ZNF362: variants seen among roughly 807,000 people sequenced by gnomAD.
ZNF362 encodes rotund homolog.
In ZNF362, 11 loss-of-function variants were observed where a neutral mutation model predicts 42.9. The ratio of observed to expected loss-of-function variants is 0.26; its 90% CI spans 0.16 to 0.42. ZNF362 has a LOEUF of 0.42. ZNF362 is among the 20% of genes least tolerant of loss of function. The pLI, the probability that ZNF362 is intolerant of heterozygous loss-of-function variation, is 1.00. For synonymous variants in ZNF362, 255 were observed against 257.3 expected (o/e 0.99, Z 0.09); for missense variants, 362 against 576.2 (o/e 0.63, Z 3.81).
chr1:33,143,631 C>T, the ZNF362 span, among the ~76,000 whole-genome samples: 1 of 152,204 alleles, frequency 6.6e-6, no homozygotes, highest in East Asian at 1.9e-4. Flanking sequence ...TGGGGTGGTT[C>T]CCTCTCCCCA....
rs1645982087 is a variant in ZNF362, at chr1:33,280,214, C to T, written c.440C>T (p.Thr147Ile). Residue 147 changes from threonine to isoleucine, a missense_variant, in exon 5 of 9, where the codon ACA (threonine) becomes ATA (isoleucine). Around this residue, in one of 3 missense-constraint regions of ZNF362, gnomAD observed 266 missense variants for 365.4 expected, o/e 0.73. Transcript: ENST00000539719. The surrounding 1 kb of genome is among the most constrained non-coding windows in gnomAD (Gnocchi z 5.6). ...GGCACGGGTACCAGCACCCCGTCCA[C>T]ACCCACCACCACCAGCCAGAGCCGC... is the stretch of plus-strand genomic sequence containing the variant. ...GTGTGTSTPS[T>I]PTTTSQSRLI... 1.2e-6 allele frequency: 2 copies of T among 1,613,844 alleles called. No individual in the cohort carries two copies. The highest frequency in any genetic ancestry group is 8.5e-7 in the Non-Finnish European group (1 of 1,179,902).
rs1349624477 is a variant in ZNF362 at position 33,300,151 on chromosome 1, G to GA, written c.*1113dup. ...AGAGAAGCCCCCTACATCCCCCCGG[G>GA]AAAAAAAAGAAAACTAGACAGAAAC... On this transcript the variant is annotated 3_prime_UTR_variant, in exon 9 of 9. Transcript: ENST00000539719. 2.0e-5 allele frequency: 3 copies of GA among 152,114 alleles called. No individual in the cohort carries two copies. The highest frequency in any genetic ancestry group is 4.8e-5 in the African/African-American group (2 of 41,272). The allele number at this position is 152,114 out of a possible 1,614,324, so 9.4% of individuals were successfully genotyped here. A position where few individuals can be genotyped will look rare whatever the true frequency, so the allele number is the denominator to read the frequency against.
chr1:33,276,693 G>C (rs1323763498), intron 4 of ZNF362, 99 bp downstream of exon 4: 1 of 1,266,308 alleles, frequency 7.9e-7, no homozygotes. Flanking sequence ...GGCTAGGTAA[G>C]AGCAGGGCGG....
At chr1:33,177,085 GCACAAATGCACACACATGCACA>G in the ZNF362 span, among the ~76,000 whole-genome samples, 1 of 147,738 alleles carries the variant, frequency 6.8e-6, no homozygotes, top group Non-Finnish European at 1.5e-5. This position sits in a 1 kb window ranked among gnomAD's most constrained non-coding sequence, Gnocchi z 4.1. Flanking sequence ...ACACATGCAT[GCACAAATGCACACACATGCACA>G]CACACATGCA....
the ZNF362 span, among the ~76,000 whole-genome samples, chr1:33,217,844 G>T: frequency 6.6e-6 from 1 of 151,884 alleles, no homozygotes; most frequent in Non-Finnish European, 1.5e-5. Flanking sequence ...TTTTAACTAT[G>T]GTGCAATCTC....
the ZNF362 span, among the ~76,000 whole-genome samples, chr1:33,207,498 T>C: frequency 1.3e-5 from 2 of 152,226 alleles, no homozygotes; most frequent in Non-Finnish European, 2.9e-5. Flanking sequence ...ATGGTATTTC[T>C]AGTTCTAGAT....
At chr1:33,165,637 C>T in the ZNF362 span, 2 of 1,363,100 alleles carry the variant, frequency 1.5e-6, no homozygotes, top group Non-Finnish European at 2.0e-6. The surrounding 1 kb of genome is among the most constrained non-coding windows in gnomAD (Gnocchi z 4.0). Flanking sequence ...CTGACCACTG[C>T]CAGGCGCTGG....
the ZNF362 span, among the ~76,000 whole-genome samples, chr1:33,240,286 G>A: frequency 3.3e-5 from 5 of 152,172 alleles, no homozygotes; most frequent in Non-Finnish European, 7.4e-5. Context: ...GAATCATCTG[G>A]TCTGGGTGCA....
At chr1:33,129,857 ATTAT>A in the ZNF362 span, among the ~76,000 whole-genome samples, 1 of 152,042 alleles carries the variant, frequency 6.6e-6, no homozygotes, top group Admixed American at 6.6e-5. The surrounding 1 kb of genome is among the most constrained non-coding windows in gnomAD (Gnocchi z 4.1). Context: ...AGCTTTGCAC[ATTAT>A]TTATTTATTT....
the ZNF362 span, among the ~76,000 whole-genome samples, chr1:33,143,743 C>T: frequency 6.6e-6 from 1 of 152,240 alleles, no homozygotes; most frequent in Non-Finnish European, 1.5e-5. Flanking sequence ...AATGACTTAA[C>T]AGAAAGCCAA....
At chr1:33,150,740 T>G in the ZNF362 span, among the ~76,000 whole-genome samples, 1 of 149,842 alleles carries the variant, frequency 6.7e-6, no homozygotes. Flanking sequence ...GAGGTGGGAG[T>G]GGGAGGGAGC....
chr1:33,276,621 G>T (rs1408226577), intron 4 of ZNF362, 27 bp downstream of exon 4: 24 of 1,311,428 alleles, frequency 1.8e-5, no homozygotes, highest in Non-Finnish European at 2.2e-5. Context: ...GGGCCGGCGG[G>T]GCCGGTGAGG....
chr1:33,248,790 A>G, the ZNF362 span, among the ~76,000 whole-genome samples: 1 of 152,184 alleles, frequency 6.6e-6, no homozygotes, highest in African/African-American at 2.4e-5. Context: ...GTATCATAGC[A>G]ATGCAAAGGG....
chr1:33,212,196 T>G, the ZNF362 span, among the ~76,000 whole-genome samples: 22 of 152,174 alleles, frequency 1.4e-4, no homozygotes, highest in Admixed American at 1.4e-3. Flanking sequence ...CCTTCCACTA[T>G]GAGTCAAAGC....
chr1:33,198,758 C>T, the ZNF362 span, among the ~76,000 whole-genome samples: 2 of 152,300 alleles, frequency 1.3e-5, no homozygotes, highest in South Asian at 2.1e-4. Flanking sequence ...GACTTTAAAA[C>T]ACCAATTGTA....
the ZNF362 span, among the ~76,000 whole-genome samples, chr1:33,238,231 A>G: frequency 1.3e-5 from 2 of 151,862 alleles, no homozygotes; most frequent in East Asian, 1.9e-4. Flanking sequence ...AGGCAGGAGA[A>G]TCACTTGAAC....
chr1:33,297,413 C>T (rs531832079), intron 8 of ZNF362, among the ~76,000 whole-genome samples: 19 of 152,120 alleles, frequency 1.2e-4, no homozygotes, highest in Non-Finnish European at 1.8e-4. Context: ...AAGTAATTAA[C>T]CAAAGTCCTT....
At chr1:33,197,371 A>G in the ZNF362 span, among the ~76,000 whole-genome samples, 1 of 152,182 alleles carries the variant, frequency 6.6e-6, no homozygotes, top group Non-Finnish European at 1.5e-5. Context: ...ATATACATAT[A>G]TCCTATTAGT....
the ZNF362 span, among the ~76,000 whole-genome samples, chr1:33,200,784 C>T: frequency 6.6e-6 from 1 of 152,124 alleles, no homozygotes; most frequent in Non-Finnish European, 1.5e-5. Context: ...AAATTGTGTA[C>T]CCTTTCCAAA....
Sources: gnomAD v4.1 joint callset for allele counts (sites outside exome capture counted in the v4.1 genomes callset) on GRCh38, gnomAD v4.1.1 for gene constraint, gnomAD v4.1.1 regional missense constraint, Gnocchi (gnomAD v3.1) non-coding constraint, MANE v1.5 for transcripts, NCBI Gene and HGNC (gene_info 2026-07-23, HGNC 2026-07-21) for gene names.